Variants in PTPRJ observed in about 807,000 individuals in gnomAD.
PTPRJ encodes the protein protein tyrosine phosphatase receptor type J, also known as receptor-type tyrosine-protein phosphatase eta.
A neutral mutation model predicts 141.3 loss-of-function variants in PTPRJ; 129 were observed. That is an observed-to-expected ratio of 0.91 (90% CI 0.79 to 1.06). PTPRJ has a LOEUF of 1.06. PTPRJ is among the 50% of genes least tolerant of loss of function. The pLI is 0.00. For synonymous variants in PTPRJ, 610 were observed against 640.5 expected (o/e 0.95, Z 0.72); for missense variants, 1,601 against 1,679.7 (o/e 0.95, Z 0.82).
intron 1 of PTPRJ, among the ~76,000 whole-genome samples, chr11:48,000,733 C>A (rs1854474348): frequency 6.6e-6 from 1 of 152,088 alleles, no homozygotes; most frequent in Non-Finnish European, 1.5e-5. Context: ...CACTCAGGCC[C>A]CTCTATCCCA....
At chr11:48,136,474 G>A (rs957143171) in intron 9 of PTPRJ, among the ~76,000 whole-genome samples, 178 bp downstream of exon 9, 17 of 152,224 alleles carry the variant, frequency 1.1e-4, no homozygotes, top group Admixed American at 3.3e-4. Flanking sequence ...TGTTCTTCAA[G>A]CTATGTGAAC....
At position 48,123,751 on chromosome 11, in the gene PTPRJ, A is replaced by T. The variant is rs751250080; in HGVS notation, c.755A>T (p.Asp252Val). ...GGAAGCCATGAGGAGTTGACTCAAGACTCAAGACTTCAGGTCAATATCTCG... is the reference window on the plus strand; with the variant it reads ...GGAAGCCATGAGGAGTTGACTCAAGTCTCAAGACTTCAGGTCAATATCTCG... Reference protein sequence around the residue: ...SIGSHEELTQDSRLQVNISGL... With the variant: ...SIGSHEELTQVSRLQVNISGL... The change falls in exon 5 of 25, where the codon GAC becomes GTC. Residue 252 changes from aspartate to valine, a missense_variant. Physicochemically the swap from Asp to Val is radical, Grantham distance 152. Transcript: ENST00000418331. 5 of 1,614,056 alleles carry T rather than the reference A, an allele frequency of 3.1e-6. No individual in the cohort carries two copies. The highest frequency in any genetic ancestry group is 4.2e-6 in the Non-Finnish European group (5 of 1,180,006).
chr11:48,155,723 AT>A (rs373931659), intron 19 of PTPRJ, 77 bp from the exon 20 acceptor site: 150 of 1,261,146 alleles, frequency 1.2e-4, no homozygotes, highest in Admixed American at 2.0e-4. Flanking sequence ...TTTGAATTTC[AT>A]TTTTTTTTCT....
At chr11:48,042,900 G>A (rs1310162339) in intron 1 of PTPRJ, among the ~76,000 whole-genome samples, 1 of 152,082 alleles carries the variant, frequency 6.6e-6, no homozygotes, top group East Asian at 1.9e-4. Context: ...TTCCTGAAAT[G>A]TAAGACCCAA....
intron 1 of PTPRJ, among the ~76,000 whole-genome samples, chr11:48,059,935 C>T (rs910796409): frequency 6.6e-6 from 1 of 152,206 alleles, no homozygotes; most frequent in Non-Finnish European, 1.5e-5. Flanking sequence ...ATTAAGGAAT[C>T]ATCATAACCT....
At chr11:48,003,685 G>C (rs1226638046) in intron 1 of PTPRJ, among the ~76,000 whole-genome samples, 1 of 152,052 alleles carries the variant, frequency 6.6e-6, no homozygotes, top group Non-Finnish European at 1.5e-5. Context: ...TAGTAAAGAT[G>C]GGGTTTCATC....
At chr11:48,012,359 G>C (rs969337493) in intron 1 of PTPRJ, among the ~76,000 whole-genome samples, 1 of 152,134 alleles carries the variant, frequency 6.6e-6, no homozygotes, top group Non-Finnish European at 1.5e-5. Context: ...CCATATTCCA[G>C]TCACCCAAAG....
At position 48,158,550 on chromosome 11, in the gene PTPRJ, A is replaced by G. The variant is rs558594619; in HGVS notation, c.3439-1380A>G. Among the ~76,000 whole-genome samples, 1 of 152,322 alleles carries G rather than the reference A, an allele frequency of 6.6e-6. No individual in the cohort carries two copies. The highest frequency in any genetic ancestry group is 6.5e-5 in the Admixed American group (1 of 15,300). ...CTGAGCTGGGAATCAACTCCATGTC[A>G]GTGTGTATCCAGATCCTGGGTTGTT... On this transcript the variant is annotated intron_variant, in intron 21 of 24. Coordinates refer to ENST00000418331, the MANE Select transcript of PTPRJ (RefSeq NM_002843.4). The surrounding 1 kb of genome is among the most constrained non-coding windows in gnomAD (Gnocchi z 4.4).
intron 1 of PTPRJ, chr11:48,046,308 T>G (rs1854394496): frequency 6.6e-6 from 1 of 152,166 alleles, no homozygotes; most frequent in African/African-American, 2.4e-5. Flanking sequence ...TCCAAATCGC[T>G]TCGCAGAAGT....
intron 1 of PTPRJ, among the ~76,000 whole-genome samples, chr11:48,067,441 A>G (rs1855117009): frequency 6.6e-6 from 1 of 152,216 alleles, no homozygotes; most frequent in Non-Finnish European, 1.5e-5. Flanking sequence ...TTCACTCTTT[A>G]CAGACTATTG....
intron 1 of PTPRJ, among the ~76,000 whole-genome samples, chr11:48,104,876 G>T (rs1432112053): frequency 6.6e-6 from 1 of 152,100 alleles, no homozygotes; most frequent in Non-Finnish European, 1.5e-5. Flanking sequence ...TTCAGGGTCC[G>T]ATTGACCTTG....
chr11:48,000,605 C>T (rs886454085), intron 1 of PTPRJ, among the ~76,000 whole-genome samples: 31 of 152,128 alleles, frequency 2.0e-4, no homozygotes, highest in Non-Finnish European at 4.0e-4. Flanking sequence ...CGACCTCATC[C>T]TGGCTACCCA....
rs1565325064 is a variant in PTPRJ at position 48,143,043 on chromosome 11, CG to C, written c.2572del (p.Glu858LysfsTer10). 1 of 1,614,072 alleles carries C rather than the reference CG, an allele frequency of 6.2e-7. No homozygotes were observed. The highest frequency in any genetic ancestry group is 2.2e-5 in the East Asian group (1 of 44,884). ...AAGCCTATGCTGTCATTCTCACCAC[CG>C]GGGAAGGTAAGGAGAGGCCTCCGTG... ...IKAYAVILTT[G>X]EAGHPSADVL... On this transcript the variant is annotated frameshift_variant, in exon 12 of 25. Coordinates refer to ENST00000418331, the MANE Select transcript of PTPRJ (RefSeq NM_002843.4). LOFTEE classifies it high-confidence loss of function.
intron 1 of PTPRJ, among the ~76,000 whole-genome samples, chr11:48,061,192 T>A (rs1262192695): frequency 2.6e-5 from 4 of 152,308 alleles, no homozygotes; most frequent in Non-Finnish European, 4.4e-5. Flanking sequence ...GCCAGTCTGA[T>A]CTCGAACTCC....
intron 8 of PTPRJ, among the ~76,000 whole-genome samples, chr11:48,131,049 CACATAT>C (rs1223591187): frequency 1.1e-5 from 1 of 91,078 alleles, no homozygotes; most frequent in African/African-American, 4.6e-5. Context: ...CACACACACA[CACATAT>C]ATATATATAT....
intron 1 of PTPRJ, among the ~76,000 whole-genome samples, chr11:48,016,186 GT>G (rs1854946222): frequency 6.6e-6 from 1 of 152,218 alleles, no homozygotes; most frequent in Non-Finnish European, 1.5e-5. Context: ...GGTGAGGGCT[GT>G]TCAGCCTCAC....
chr11:48,053,240 A>G, intron 1 of PTPRJ, among the ~76,000 whole-genome samples: 1 of 88,274 alleles, frequency 1.1e-5, no homozygotes. Context: ...TATATATAAT[A>G]TATTTATATA....
intron 1 of PTPRJ, among the ~76,000 whole-genome samples, chr11:48,047,953 T>A (rs985926897): frequency 3.3e-5 from 5 of 152,150 alleles, no homozygotes; most frequent in Non-Finnish European, 5.9e-5. Context: ...ACTTCCCAGT[T>A]TGGTTATTAG....
intron 1 of PTPRJ, among the ~76,000 whole-genome samples, chr11:48,057,563 CAGGTGGTGG>C (rs1452342190): frequency 2.0e-5 from 3 of 152,034 alleles, no homozygotes; most frequent in Non-Finnish European, 2.9e-5. Flanking sequence ...TGGGTCGAGG[CAGGTGGTGG>C]AGGTGGTGGC....
Sources: allele counts gnomAD v4.1 joint callset (sites outside exome capture counted in the v4.1 genomes callset), GRCh38; gene constraint gnomAD v4.1.1; non-coding constraint Gnocchi (gnomAD v3.1); transcripts MANE v1.5; gene names NCBI Gene and HGNC (gene_info 2026-07-23, HGNC 2026-07-21).